NRG1: variants seen among roughly 807,000 people sequenced by gnomAD.
NRG1 encodes neuregulin 1, also known as pro-neuregulin-1, membrane-bound isoform.
In NRG1, 18 loss-of-function variants were observed where a neutral mutation model predicts 63.8. That is an observed-to-expected ratio of 0.28 (90% CI 0.19 to 0.42). The LOEUF (loss-of-function observed/expected upper bound fraction) is 0.42. Ranked by LOEUF, NRG1 falls within the 10% of genes least tolerant of loss-of-function variation. The pLI is 1.00. For missense variants in NRG1, 762 were observed against 814.7 expected (o/e 0.94, Z 0.79); for synonymous variants, 302 against 301.3 (o/e 1.00, Z -0.02).
rs568717707 is a variant in NRG1 at position 32,321,354 on chromosome 8, T to C, written c.38-274474T>C. On this transcript the variant is annotated intron_variant, in intron 1 of 10. Transcript: ENST00000519301. The stretch of plus-strand genomic sequence containing the variant: ...AGGAAAATCAAATGTAGTTCCACAT[T>C]ATAAGGATGGAGACATGTGTTACCT... Among the ~76,000 whole-genome samples the C allele has an allele frequency of 2.6e-5, 4 of 152,234 alleles. No individual in the cohort carries two copies. The South Asian group carries it at 8.3e-4, about 32-fold the overall frequency.
At chr8:31,672,340 A>G (rs141643406) in intron 1 of NRG1, among the ~76,000 whole-genome samples, 26 of 152,308 alleles carry the variant, frequency 1.7e-4, no homozygotes, top group African/African-American at 6.0e-4. Flanking sequence ...TGATATTGGC[A>G]GGCATTATTT....
intron 1 of NRG1, among the ~76,000 whole-genome samples, chr8:32,377,186 G>T (rs1443310742): frequency 6.6e-6 from 1 of 152,222 alleles, no homozygotes; most frequent in Non-Finnish European, 1.5e-5. Context: ...ATTCACCCAA[G>T]AAAGCTTCAA....
intron 1 of NRG1, among the ~76,000 whole-genome samples, chr8:32,030,896 C>A (rs2130465642): frequency 6.6e-6 from 1 of 152,200 alleles, no homozygotes; most frequent in East Asian, 1.9e-4. Flanking sequence ...TGCAAGCCCC[C>A]AAGACATAAA....
intron 1 of NRG1, among the ~76,000 whole-genome samples, chr8:32,373,436 AT>A (rs1362464105): frequency 6.6e-6 from 1 of 151,790 alleles, no homozygotes; most frequent in African/African-American, 2.4e-5. Flanking sequence ...CTCAAAAATA[AT>A]TTTTTTAATT....
chr8:32,513,311 A>G, intron 1 of NRG1, among the ~76,000 whole-genome samples: 1 of 151,838 alleles, frequency 6.6e-6, no homozygotes, highest in South Asian at 2.1e-4. Context: ...GGGGCAAAAG[A>G]ATTTGGGGCT....
At chr8:32,112,239 A>G (rs990328786) in intron 1 of NRG1, among the ~76,000 whole-genome samples, 1 of 152,192 alleles carries the variant, frequency 6.6e-6, no homozygotes. Context: ...TTCCTCTGAG[A>G]TGACTCCTGC....
intron 1 of NRG1, among the ~76,000 whole-genome samples, chr8:32,216,271 T>C (rs901279532): frequency 6.7e-6 from 1 of 150,312 alleles, no homozygotes; most frequent in Non-Finnish European, 1.5e-5. Context: ...GAAGACAAAC[T>C]CTTTTAGTTG....
intron 1 of NRG1, among the ~76,000 whole-genome samples, chr8:31,825,888 G>T (rs1824502370): frequency 6.6e-6 from 1 of 152,306 alleles, no homozygotes; most frequent in South Asian, 2.1e-4. Flanking sequence ...TTAAGTAGCA[G>T]ATATAGTGCT....
intron 1 of NRG1, among the ~76,000 whole-genome samples, chr8:32,185,503 A>G (rs549622452): frequency 6.6e-6 from 1 of 152,324 alleles, no homozygotes; most frequent in East Asian, 1.9e-4. Flanking sequence ...CGATAGCACA[A>G]TTGTTCATAG....
At chr8:31,880,780 GC>G (rs577139594) in intron 1 of NRG1, among the ~76,000 whole-genome samples, 7 of 152,104 alleles carry the variant, frequency 4.6e-5, no homozygotes, top group Non-Finnish European at 1.0e-4. Flanking sequence ...TCATTGTTTT[GC>G]TATGGGTAGC....
chr8:31,649,921 T>C (rs963994874), intron 1 of NRG1, among the ~76,000 whole-genome samples: 1 of 152,208 alleles, frequency 6.6e-6, no homozygotes, highest in Non-Finnish European at 1.5e-5. Context: ...TCCTGTCCAT[T>C]GCCCCAATCC....
At chr8:32,136,883 A>G (rs989809068) in intron 1 of NRG1, 8 of 152,178 alleles carry the variant, frequency 5.3e-5, no homozygotes, top group Non-Finnish European at 1.2e-4. Context: ...TGGGCCTTAT[A>G]TAACACCTTA....
chr8:32,600,694 T>C (rs1416117542), intron 2 of NRG1, among the ~76,000 whole-genome samples: 2 of 152,130 alleles, frequency 1.3e-5, no homozygotes, highest in African/African-American at 4.8e-5. Context: ...AATCCAAATA[T>C]TTCAGGAATA....
chr8:32,464,589 GT>G (rs1822820174), intron 1 of NRG1, among the ~76,000 whole-genome samples: 1 of 152,084 alleles, frequency 6.6e-6, no homozygotes, highest in African/African-American at 2.4e-5. Context: ...TGTATGAGAT[GT>G]TCTTTCTGAA....
rs904124655 is a variant in NRG1, at chr8:32,067,123, A to G, written c.37+427692A>G. 7.0e-4 allele frequency among the ~76,000 whole-genome samples: 107 copies of G among 152,250 alleles called. 1 individual carries two copies. The highest frequency in any genetic ancestry group is 3.4e-3 in the Middle Eastern group (1 of 294). ...TGGGGTTTTCTAAATATACAATCAT[A>G]TCATCTCCAAACAGGGACAATTTGA... On this transcript the variant is annotated intron_variant, in intron 1 of 10. Transcript: ENST00000519301.
At chr8:31,682,512 C>T (rs1451129566) in intron 1 of NRG1, among the ~76,000 whole-genome samples, 3 of 152,052 alleles carry the variant, frequency 2.0e-5, no homozygotes, top group Non-Finnish European at 2.9e-5. Context: ...GTACTAAAGT[C>T]GATTTGCTGT....
chr8:32,188,434 C>T (rs1842176070), intron 1 of NRG1, among the ~76,000 whole-genome samples: 1 of 152,104 alleles, frequency 6.6e-6, no homozygotes, highest in African/African-American at 2.4e-5. Context: ...AAGACATGCT[C>T]CTGCCAAAGA....
In NRG1 at chr8:32,721,678, A is replaced by G. The variant is rs79820725; in HGVS notation, c.503-6271A>G. The G allele has an allele frequency of 1.3e-5, 4 of 307,250 alleles. No homozygotes were observed. The East Asian group carries it at 2.7e-4, about 21-fold the overall frequency. The allele number at this position is 307,250 out of a possible 1,614,324, so 19.0% of individuals were successfully genotyped here. On this transcript the variant is annotated intron_variant, in intron 5 of 11. Coordinates refer to ENST00000356819, the Ensembl canonical transcript of NRG1. ...TTTTTCAAGTACATATTTGCTATTC[A>G]GCAAAGGATTGAATGACTTCTCAGG...
At chr8:31,717,079 G>T (rs1812419100) in intron 1 of NRG1, among the ~76,000 whole-genome samples, 1 of 152,244 alleles carries the variant, frequency 6.6e-6, no homozygotes, top group South Asian at 2.1e-4. Flanking sequence ...TAAAGGAAAA[G>T]CTTAGAGAAA....
Sources: gnomAD v4.1 joint callset for allele counts (sites outside exome capture counted in the v4.1 genomes callset) on GRCh38, gnomAD v4.1.1 for gene constraint, MANE v1.5 for transcripts, NCBI Gene and HGNC (gene_info 2026-07-23, HGNC 2026-07-21) for gene names.